The following C7orf57 variants were observed in gnomAD, a reference collection of about 807,000 sequenced individuals.
C7orf57 encodes the protein chromosome 7 open reading frame 57.
C7orf57 carries 33 observed loss-of-function variants against 39.0 expected under a neutral mutation model. That is an observed-to-expected ratio of 0.85 (90% CI 0.64 to 1.13). The LOEUF (loss-of-function observed/expected upper bound fraction) is 1.13, where lower values mean the gene tolerates loss of function less well. Ranked by LOEUF, C7orf57 falls within the 50% of genes most tolerant of loss-of-function variation. The probability of loss-of-function intolerance (pLI) is 0.00; values close to 1 mark genes in which losing one functional copy is unlikely to be tolerated. For synonymous variants in C7orf57, 124 were observed against 137.1 expected (o/e 0.90, Z 0.67); for missense variants, 346 against 362.3 (o/e 0.95, Z 0.37).
chr7:48,043,863 T>C (rs1278971534), intron 4 of C7orf57, among the ~76,000 whole-genome samples: 1 of 151,994 alleles, frequency 6.6e-6, no homozygotes, highest in Admixed American at 6.6e-5. Context: ...CCGGCGGGTC[T>C]TCGTTCTTAG....
chr7:48,051,511 T>C (rs1373239739), intron 6 of C7orf57, among the ~76,000 whole-genome samples: 1 of 151,556 alleles, frequency 6.6e-6, no homozygotes, highest in Non-Finnish European at 1.5e-5. Flanking sequence ...TAATTTTTTG[T>C]ATTTTTAGTA....
chr7:48,050,325 A>T (rs1345353851), intron 6 of C7orf57, among the ~76,000 whole-genome samples: 1 of 152,206 alleles, frequency 6.6e-6, no homozygotes, highest in African/African-American at 2.4e-5. Flanking sequence ...TGTAGGGGCC[A>T]CCAGGTCCTG....
Position 48,054,587 on chromosome 7 carries a change from T to TA in C7orf57, c.830-7dup, listed in dbSNP as rs1791056252. 1 of 1,548,284 alleles carries TA rather than the reference T, an allele frequency of 6.5e-7. No homozygotes were observed. The highest frequency in any genetic ancestry group is 8.7e-7 in the Non-Finnish European group (1 of 1,144,082). On this transcript the variant is annotated splice_region_variant and splice_polypyrimidine_tract_variant and intron_variant, in intron 7 of 8. Coordinates refer to ENST00000348904, the MANE Select transcript of C7orf57 (RefSeq NM_001100159.3). ...TAACCTGAACAACGAATGTACTTTTTATTACAGAGTCTTCTCAAAGTGAGT... is the reference window on the plus strand; with the variant it reads ...TAACCTGAACAACGAATGTACTTTTTAATTACAGAGTCTTCTCAAAGTGAGT...
chr7:48,040,699 G>A lies in C7orf57; in HGVS notation c.56-635G>A, dbSNP rs369376538. On this transcript the variant is annotated intron_variant, in intron 2 of 8. Transcript: ENST00000348904. ...GAATGGGGGAACTCACACTGTACTC[G>A]CTCATATGGAGAGAGGCTGCCGAGC... is the stretch of plus-strand genomic sequence containing the variant. 1.4e-4 allele frequency among the ~76,000 whole-genome samples: 21 copies of A among 152,196 alleles called. No homozygotes were observed. In the East Asian group the frequency reaches 1.5e-3, roughly 11 times the overall value.
intron 8 of C7orf57, among the ~76,000 whole-genome samples, chr7:48,055,442 ATACT>A (rs1327740208): frequency 6.6e-6 from 1 of 152,220 alleles, no homozygotes; most frequent in Non-Finnish European, 1.5e-5. Context: ...ATTACCTCAA[ATACT>A]TACCCTTTTT....
chr7:48,053,037 C>G (rs779407111), intron 7 of C7orf57, 114 bp downstream of exon 7: 2 of 839,494 alleles, frequency 2.4e-6, no homozygotes, highest in Non-Finnish European at 4.0e-6. Context: ...ACCCAAAAAC[C>G]ATGTGAAAAC....
chr7:48,043,557 C>T lies in C7orf57; in HGVS notation c.318C>T (p.His106=). 1.2e-6 allele frequency: 2 copies of T among 1,613,928 alleles called. No individual in the cohort carries two copies. Among genetic ancestry groups the T allele is most frequent in the Non-Finnish European group, 1.7e-6 (2 of 1,179,866 alleles). The part of the protein sequence containing the change: ...VAYSLPDWYI[H]HSKPPTASQQ... Reference sequence around the variant, plus strand: ...ACTCCCTGCCAGACTGGTATATCCACCACAGCAAGCCACCGACAGCCAGCC... The same window carrying T: ...ACTCCCTGCCAGACTGGTATATCCATCACAGCAAGCCACCGACAGCCAGCC... The change falls in exon 4 of 9, where the codon CAC becomes CAT. Residue 106 remains histidine (H), a synonymous_variant. Transcript: ENST00000348904.
intron 2 of C7orf57, among the ~76,000 whole-genome samples, chr7:48,039,501 G>A (rs1012866018): frequency 1.3e-5 from 2 of 151,792 alleles, no homozygotes; most frequent in Admixed American, 6.6e-5. Context: ...CAGTCAGCTG[G>A]CGGGTGGTGG....
At position 48,036,279 on chromosome 7, in the gene C7orf57, G is replaced by A. The variant is rs1259020393; in HGVS notation, c.-30G>A. On this transcript the variant is annotated 5_prime_UTR_variant, in exon 2 of 9. Transcript: ENST00000348904. ...GCGAACACCAGGTCCGGCAGCATCT[G>A]TCTTTTCCCGCAGCGTGCAGCGCCT... The A allele has an allele frequency of 6.4e-7, 1 of 1,565,854 alleles. No individual in the cohort carries two copies. Among genetic ancestry groups the A allele is most frequent in the East Asian group, 2.4e-5 (1 of 41,866 alleles).
At chr7:48,058,108 G>A (rs1248828124) in intron 8 of C7orf57, among the ~76,000 whole-genome samples, 1 of 152,092 alleles carries the variant, frequency 6.6e-6, no homozygotes, top group Non-Finnish European at 1.5e-5. Context: ...GTATTTTGCT[G>A]TGAATTTTTG....
At position 48,051,827 on chromosome 7, in the gene C7orf57, CTTTCT is replaced by C. The variant is rs1247483567; in HGVS notation, c.606-870_606-866del. 1.0e-4 allele frequency among the ~76,000 whole-genome samples: 4 copies of C among 38,704 alleles called. 1 individual carries two copies. Among genetic ancestry groups the C allele is most frequent in the African/African-American group, 2.6e-4 (2 of 7,600 alleles). The allele number at this position is 38,704 out of a possible 152,430, so 25.4% of individuals were successfully genotyped here. ...CCTTCCTTTTCTCTTCTCTTTCTTT[CTTTCT>C]TTCTTTCTTTCTTTCTTTCTTTCTT... is the stretch of plus-strand genomic sequence containing the variant. On this transcript the variant is annotated intron_variant, in intron 6 of 8. Coordinates refer to ENST00000348904, the MANE Select transcript of C7orf57 (RefSeq NM_001100159.3).
intron 6 of C7orf57, among the ~76,000 whole-genome samples, chr7:48,051,170 C>A (rs1790862837): frequency 6.6e-6 from 1 of 151,852 alleles, no homozygotes; most frequent in South Asian, 2.1e-4. Flanking sequence ...AAGAAAGAAC[C>A]AATAAGAAAG....
At chr7:48,060,194 T>G (rs745849225) in intron 8 of C7orf57, 32 bp from the exon 9 acceptor site, 12 of 1,423,540 alleles carry the variant, frequency 8.4e-6, no homozygotes, top group Non-Finnish European at 1.1e-5. Flanking sequence ...AATGTCATCT[T>G]TGTCTACTCA....
chr7:48,056,437 C>T (rs892377993), intron 8 of C7orf57, among the ~76,000 whole-genome samples: 5 of 151,946 alleles, frequency 3.3e-5, no homozygotes, highest in African/African-American at 1.2e-4. Context: ...CTTTTGCTTG[C>T]AGAAACTTTT....
chr7:48,059,068 C>T (rs954223401), intron 8 of C7orf57, among the ~76,000 whole-genome samples: 3 of 152,114 alleles, frequency 2.0e-5, no homozygotes, highest in African/African-American at 4.8e-5. Flanking sequence ...ATAGCTGAGG[C>T]GGGGGTCACT....
In C7orf57 at chr7:48,051,347, A is replaced by ATTTTTTTTTTTTTT. The variant is rs71006546; in HGVS notation, c.606-1346_606-1333dup. Among the ~76,000 whole-genome samples, 348 of 69,754 alleles carry ATTTTTTTTTTTTTT rather than the reference A, an allele frequency of 5.0e-3. 38 individuals are homozygous for ATTTTTTTTTTTTTT. Among genetic ancestry groups the ATTTTTTTTTTTTTT allele is most frequent in the African/African-American group, 0.019 (319 of 16,538 alleles). 45.8% of individuals were successfully genotyped at this position (69,754 alleles called of 152,430 possible). A position where few individuals can be genotyped will look rare whatever the true frequency, so the allele number is the denominator to read the frequency against. On this transcript the variant is annotated intron_variant, in intron 6 of 8. Coordinates refer to ENST00000348904, the MANE Select transcript of C7orf57 (RefSeq NM_001100159.3). ...AGGTGCCTGCCACCACAGCTGGCTA[A>ATTTTTTTTTTTTTT]TTTTTTTTTTTTTTTTTTTTGGAGA...
intron 2 of C7orf57, among the ~76,000 whole-genome samples, chr7:48,038,690 G>A (rs1277745034): frequency 1.3e-5 from 2 of 152,168 alleles, no homozygotes; most frequent in Non-Finnish European, 2.9e-5. Context: ...GAGTGACCAA[G>A]GCCTGTGACA....
Position 48,035,631 on chromosome 7 carries a change from G to C in C7orf57, c.-102+1G>C. 1 of 683,628 alleles carries C rather than the reference G, an allele frequency of 1.5e-6. No homozygotes were observed. Among genetic ancestry groups the C allele is most frequent in the Non-Finnish European group, 2.7e-6 (1 of 375,942 alleles). 42.3% of individuals were successfully genotyped at this position (683,628 alleles called of 1,614,324 possible). On this transcript the variant is annotated splice_donor_variant, in intron 1 of 8. Coordinates refer to ENST00000348904, the MANE Select transcript of C7orf57 (RefSeq NM_001100159.3). LOFTEE classifies it low-confidence loss of function (5UTR_SPLICE). This position sits in a 1 kb window ranked among gnomAD's most constrained non-coding sequence, Gnocchi z 4.0. ...ACCCACGGAGACCCGCGGGGAGCTG[G>C]TGAGCCTGAGCGGGCTGGAGGACAA...
chr7:48,051,819 CTTTCTT>C (rs1215199095), intron 6 of C7orf57, among the ~76,000 whole-genome samples: 2 of 11,490 alleles, frequency 1.7e-4, no homozygotes, highest in Admixed American at 1.3e-3. Context: ...TTTCTCTTCT[CTTTCTT>C]TCTTTCTTTC....
Sources: gnomAD v4.1 joint callset for allele counts (sites outside exome capture counted in the v4.1 genomes callset) on GRCh38, gnomAD v4.1.1 for gene constraint, Gnocchi (gnomAD v3.1) non-coding constraint, MANE v1.5 for transcripts, NCBI Gene and HGNC (gene_info 2026-07-23, HGNC 2026-07-21) for gene names.